Variants in TIMP2 observed in about 807,000 individuals in gnomAD.
TIMP2 encodes metalloproteinase inhibitor 2.
TIMP2 carries 5 observed loss-of-function variants against 24.3 expected under a neutral mutation model. That is an observed-to-expected ratio of 0.21 (90% CI 0.11 to 0.43). The LOEUF is 0.43. Among genes scored for constraint, TIMP2 ranks in the 20% least tolerant of loss-of-function variants. The pLI is 1.00. For synonymous variants in TIMP2, 130 were observed against 123.2 expected (o/e 1.06, Z -0.37); for missense variants, 221 against 297.5 (o/e 0.74, Z 1.89).
intron 3 of TIMP2, among the ~76,000 whole-genome samples, chr17:78,867,594 CTTTTT>C (rs58975858): frequency 1.6e-5 from 2 of 127,652 alleles, no homozygotes; most frequent in South Asian, 5.1e-4. Flanking sequence ...TTTGTACCTT[CTTTTT>C]TTTTTTTTTT....
At chr17:78,899,808 C>G (rs1317082382) in intron 1 of TIMP2, 1 of 152,306 alleles carries the variant, frequency 6.6e-6, no homozygotes, top group Non-Finnish European at 1.5e-5. Context: ...CCCCAGGATG[C>G]CCCAACCCTC....
intron 3 of TIMP2, among the ~76,000 whole-genome samples, chr17:78,860,053 G>A (rs1364125811): frequency 6.6e-6 from 1 of 152,062 alleles, no homozygotes; most frequent in Admixed American, 6.6e-5. Context: ...GCGGGTGCCT[G>A]TAGTCCCAGC....
chr17:78,910,438 C>A (rs1253150598), intron 1 of TIMP2, among the ~76,000 whole-genome samples: 3 of 152,192 alleles, frequency 2.0e-5, no homozygotes, highest in Non-Finnish European at 4.4e-5. Flanking sequence ...GGTGATCCGC[C>A]CACCTTGGCC....
At chr17:78,893,135 G>C (rs1236138912) in intron 1 of TIMP2, among the ~76,000 whole-genome samples, 2 of 150,592 alleles carry the variant, frequency 1.3e-5, no homozygotes, top group African/African-American at 4.9e-5. Context: ...GTGCAGGGGT[G>C]TGTGTGCGTA....
intron 1 of TIMP2, among the ~76,000 whole-genome samples, chr17:78,916,868 C>G (rs561099484): frequency 3.9e-5 from 6 of 152,292 alleles, no homozygotes; most frequent in African/African-American, 1.4e-4. Context: ...CTCCCCATAC[C>G]CACCCCAGGA....
intron 3 of TIMP2, among the ~76,000 whole-genome samples, chr17:78,862,162 G>C (rs193141138): frequency 2.0e-5 from 3 of 152,180 alleles, no homozygotes; most frequent in African/African-American, 7.2e-5. Flanking sequence ...CCTGGTGCCC[G>C]ACTCGACACG....
In TIMP2 at chr17:78,853,825, A is replaced by C. The variant is rs1192062999; in HGVS notation, c.*1842T>G. On this transcript the variant is annotated 3_prime_UTR_variant, in exon 5 of 5. Coordinates refer to ENST00000262768, the MANE Select transcript of TIMP2 (RefSeq NM_003255.5). ...GCAGAAACAGGAGTAAATGTTACAT[A>C]TGATATCACCATACAGGAAGCGAAC... The C allele has an allele frequency of 1.3e-5, 2 of 152,658 alleles. No individual in the cohort carries two copies. The highest frequency in any genetic ancestry group is 4.8e-5 in the African/African-American group (2 of 41,476). 9.5% of individuals were successfully genotyped at this position (152,658 alleles called of 1,614,324 possible). A position where few individuals can be genotyped will look rare whatever the true frequency, so the allele number is the denominator to read the frequency against.
chr17:78,891,707 A>G lies in TIMP2; in HGVS notation c.131-17788T>C, dbSNP rs1177796129. 2 of 1,550,566 alleles carry G rather than the reference A, an allele frequency of 1.3e-6. No individual in the cohort carries two copies. The highest frequency in any genetic ancestry group is 8.7e-7 in the Non-Finnish European group (1 of 1,146,984). On this transcript the variant is annotated intron_variant, in intron 1 of 4. Coordinates refer to ENST00000262768, the MANE Select transcript of TIMP2 (RefSeq NM_003255.5). This position sits in a 1 kb window ranked among gnomAD's most constrained non-coding sequence, Gnocchi z 4.5. ...AGCTGTTCCTTTCTCTTTTTCCTCCACAAGCCCGATTTCTCCCACAGCAGC... is the reference window on the plus strand; with the variant it reads ...AGCTGTTCCTTTCTCTTTTTCCTCCGCAAGCCCGATTTCTCCCACAGCAGC...
intron 3 of TIMP2, 79 bp downstream of exon 3, chr17:78,870,819 G>T (rs1482874203): frequency 7.7e-7 from 1 of 1,294,594 alleles, no homozygotes; most frequent in East Asian, 2.4e-5. Context: ...CCCGAGCCTG[G>T]GAAACGAGCC....
chr17:78,919,170 C>T (rs1004730193), intron 1 of TIMP2, among the ~76,000 whole-genome samples: 22 of 152,250 alleles, frequency 1.4e-4, no homozygotes, highest in African/African-American at 3.4e-4. Context: ...CGCTCCAGCA[C>T]GCGGAGTTAG....
chr17:78,873,166 A>G (rs1479298648), intron 2 of TIMP2, among the ~76,000 whole-genome samples: 1 of 151,976 alleles, frequency 6.6e-6, no homozygotes, highest in Non-Finnish European at 1.5e-5. Flanking sequence ...AACTACCACC[A>G]TATCACACGG....
At chr17:78,864,341 CCTTCCCTTCCTCCCTT>C (rs2069590975) in intron 3 of TIMP2, among the ~76,000 whole-genome samples, 1 of 151,354 alleles carries the variant, frequency 6.6e-6, no homozygotes, top group South Asian at 2.1e-4. Context: ...CTCCCTCCCT[CCTTCCCTTCCTCCCTT>C]CCTCCATGCC....
Position 78,896,931 on chromosome 17 carries a change from G to C in TIMP2, c.131-23012C>G. 1 of 985,362 alleles carries C rather than the reference G, an allele frequency of 1.0e-6. No individual in the cohort carries two copies. Among genetic ancestry groups the C allele is most frequent in the Middle Eastern group, 5.2e-4 (1 of 1,914 alleles). 61.0% of individuals were successfully genotyped at this position (985,362 alleles called of 1,614,324 possible). ...TGTGCTTGGCCACCAGATTCCCAGC[G>C]ATTCTCACCAAAGTCAGGCAACCTC... On this transcript the variant is annotated intron_variant, in intron 1 of 4. Coordinates refer to ENST00000262768, the MANE Select transcript of TIMP2 (RefSeq NM_003255.5). This position sits in a 1 kb window ranked among gnomAD's most constrained non-coding sequence, Gnocchi z 4.4.
chr17:78,875,162 G>A (rs537210661), intron 1 of TIMP2, among the ~76,000 whole-genome samples: 1 of 152,296 alleles, frequency 6.6e-6, no homozygotes, highest in East Asian at 1.9e-4. Flanking sequence ...ACAGGCGTGA[G>A]CCACTGCGCC....
At chr17:78,864,655 A>G (rs146943188) in intron 3 of TIMP2, among the ~76,000 whole-genome samples, 57 of 152,316 alleles carry the variant, frequency 3.7e-4, no homozygotes, top group African/African-American at 1.3e-3. Flanking sequence ...ATCTGAGTTA[A>G]AAAGTTAATG....
chr17:78,913,230 G>A (rs1044310261), intron 1 of TIMP2, among the ~76,000 whole-genome samples: 13 of 151,954 alleles, frequency 8.6e-5, no homozygotes, highest in Middle Eastern at 3.2e-3. Context: ...GCTCTGCAGG[G>A]CTCTAACAAC....
At chr17:78,922,224 G>A (rs995529510) in intron 1 of TIMP2, 1 of 152,228 alleles carries the variant, frequency 6.6e-6, no homozygotes, top group African/African-American at 2.4e-5. Context: ...ATCGCTTCGA[G>A]GAGAATCGAA....
intron 1 of TIMP2, among the ~76,000 whole-genome samples, chr17:78,907,485 C>G (rs1406383829): frequency 6.6e-6 from 1 of 152,184 alleles, no homozygotes; most frequent in Non-Finnish European, 1.5e-5. Context: ...ATTAACTTTG[C>G]CATCTCATGT....
chr17:78,862,188 G>A (rs550336037), intron 3 of TIMP2, among the ~76,000 whole-genome samples: 23 of 152,308 alleles, frequency 1.5e-4, no homozygotes, highest in African/African-American at 2.6e-4. Flanking sequence ...CTGAGTCATC[G>A]GTCCAGGAGG....
Sources: allele counts gnomAD v4.1 joint callset (sites outside exome capture counted in the v4.1 genomes callset), GRCh38; gene constraint gnomAD v4.1.1; non-coding constraint Gnocchi (gnomAD v3.1); transcripts MANE v1.5; gene names NCBI Gene and HGNC (gene_info 2026-07-23, HGNC 2026-07-21).